CACNA1E: variants seen among roughly 807,000 people sequenced by gnomAD.
CACNA1E encodes calcium voltage-gated channel subunit alpha1 E.
CACNA1E carries 40 observed loss-of-function variants against 259.2 expected under a neutral mutation model. The observed-to-expected ratio is 0.15, with a 90% confidence interval of 0.12 to 0.20. The LOEUF (loss-of-function observed/expected upper bound fraction) is 0.20, where lower values mean the gene tolerates loss of function less well. CACNA1E is among the 10% of genes least tolerant of loss of function. CACNA1E has a pLI of 1.00. For synonymous variants in CACNA1E, 1,104 were observed against 1,138.5 expected (o/e 0.97, Z 0.61); for missense variants, 1,874 against 3,040.1 (o/e 0.62, Z 9.02).
At chr1:181,474,136 T>C (rs1409407389) in intron 2 of CACNA1E, among the ~76,000 whole-genome samples, 1 of 101,632 alleles carries the variant, frequency 9.8e-6, no homozygotes, top group East Asian at 2.1e-4. Flanking sequence ...ATAGAGATTA[T>C]TTAAACAAAG....
Position 181,798,782 on chromosome 1 carries a change from G to T in CACNA1E, c.6890G>T (p.Cys2297Phe), listed in dbSNP as rs748453088. The change falls in exon 48 of 48, where the codon TGT becomes TTT. Residue 2297 changes from cysteine to phenylalanine, a missense_variant. Physicochemically the swap from Cys to Phe is radical, Grantham distance 205. Around this residue, in one of 14 missense-constraint regions of CACNA1E, gnomAD observed 542 missense variants for 587.2 expected, o/e 0.92. Coordinates refer to ENST00000367573, the MANE Select transcript of CACNA1E (RefSeq NM_001205293.3). This position sits in a 1 kb window ranked among gnomAD's most constrained non-coding sequence, Gnocchi z 4.2. ...RRGGPGPGMM[C>F]GAVNNLLSDT... The stretch of plus-strand genomic sequence containing the variant: ...GGGGGGCCTGGGCCAGGCATGATGT[G>T]TGGGGCTGTCAACAACCTGCTAAGT... 2 of 1,568,528 alleles carry T rather than the reference G, an allele frequency of 1.3e-6. No individual in the cohort carries two copies. The highest frequency in any genetic ancestry group is 8.6e-7 in the Non-Finnish European group (1 of 1,156,874).
intron 46 of CACNA1E, among the ~76,000 whole-genome samples, chr1:181,795,787 T>TATATATATATATA (rs1410248740): frequency 2.2e-4 from 32 of 143,638 alleles, no homozygotes; most frequent in Admixed American, 3.5e-4. Flanking sequence ...TATATATATA[T>TATATATATATATA]TAGTCTGGCT....
intron 1 of CACNA1E, among the ~76,000 whole-genome samples, chr1:181,390,087 G>A (rs984824750): frequency 2.0e-5 from 3 of 152,200 alleles, no homozygotes; most frequent in African/African-American, 2.4e-5. Flanking sequence ...CTTTGCTGCC[G>A]TGTGATTGAC....
chr1:181,725,495 T>TA (rs1654817750), intron 17 of CACNA1E, among the ~76,000 whole-genome samples: 1 of 152,264 alleles, frequency 6.6e-6, no homozygotes, highest in Non-Finnish European at 1.5e-5. Flanking sequence ...GTGCTCTTAT[T>TA]AGCTCTAGTC....
rs187799690 is a variant in CACNA1E at position 181,608,642 on chromosome 1, A to G, written c.951+27866A>G. Among the ~76,000 whole-genome samples, 4 of 152,150 alleles carry G rather than the reference A, an allele frequency of 2.6e-5. No homozygotes were observed. The East Asian group carries it at 7.8e-4, about 30-fold the overall frequency. Reference sequence around the variant, plus strand: ...AATGGATGAGACTGAATGCAAGGGCATGTCTACAGGAGACCCCAGGGCACA... The same window carrying G: ...AATGGATGAGACTGAATGCAAGGGCGTGTCTACAGGAGACCCCAGGGCACA... On this transcript the variant is annotated intron_variant, in intron 6 of 47. Transcript: ENST00000367573.
intron 25 of CACNA1E, 122 bp from the exon 26 acceptor site, chr1:181,750,354 A>G (rs1657482677): frequency 2.5e-6 from 2 of 797,548 alleles, no homozygotes; most frequent in Admixed American, 2.1e-5. Context: ...ATTCCCTATC[A>G]TTGTAGGGTT....
intron 6 of CACNA1E, among the ~76,000 whole-genome samples, chr1:181,591,614 G>A (rs1652651054): frequency 6.6e-6 from 1 of 151,906 alleles, no homozygotes; most frequent in African/African-American, 2.4e-5. Context: ...TCTCATTTTT[G>A]TAAGTTTTAT....
chr1:181,329,234 G>T (rs1200198536), intron 1 of CACNA1E, among the ~76,000 whole-genome samples: 2 of 152,010 alleles, frequency 1.3e-5, no homozygotes, highest in African/African-American at 4.8e-5. Flanking sequence ...CAGCTCTGCT[G>T]CCATTACCAA....
intron 3 of CACNA1E, among the ~76,000 whole-genome samples, chr1:181,546,709 C>G (rs1037371540): frequency 1.3e-5 from 2 of 152,198 alleles, no homozygotes; most frequent in African/African-American, 4.8e-5. Flanking sequence ...GCCGTGCAGA[C>G]AGTGCACATT....
intron 7 of CACNA1E, among the ~76,000 whole-genome samples, chr1:181,660,949 A>T (rs986772423): frequency 1.2e-4 from 19 of 152,350 alleles, no homozygotes; most frequent in Middle Eastern, 3.4e-3. Context: ...TCAAACAAGG[A>T]CAGAGAGCTG....
intron 3 of CACNA1E, among the ~76,000 whole-genome samples, chr1:181,552,874 C>T (rs1320480255): frequency 6.6e-6 from 1 of 152,110 alleles, no homozygotes; most frequent in East Asian, 1.9e-4. Context: ...TTTCGATACC[C>T]AGTACCATGG....
At chr1:181,453,343 A>G (rs926282010) in intron 2 of CACNA1E, among the ~76,000 whole-genome samples, 1 of 152,218 alleles carries the variant, frequency 6.6e-6, no homozygotes, top group African/African-American at 2.4e-5. Context: ...CTGACTCACA[A>G]ATTGTGAAAC....
At chr1:181,705,246 G>T (rs925227688) in intron 7 of CACNA1E, among the ~76,000 whole-genome samples, 1 of 152,092 alleles carries the variant, frequency 6.6e-6, no homozygotes, top group Non-Finnish European at 1.5e-5. Flanking sequence ...ATCCCTCCAG[G>T]CACACATGAT....
chr1:181,708,538 A>T (rs772536471), intron 7 of CACNA1E, among the ~76,000 whole-genome samples: 2 of 152,224 alleles, frequency 1.3e-5, no homozygotes, highest in Non-Finnish European at 2.9e-5. Flanking sequence ...CTTGCTCAAA[A>T]TATCACCTTC....
intron 2 of CACNA1E, among the ~76,000 whole-genome samples, chr1:181,429,454 T>G (rs1161804461): frequency 6.6e-6 from 1 of 152,172 alleles, no homozygotes; most frequent in Non-Finnish European, 1.5e-5. Context: ...TGAGCCCTCA[T>G]CTCCACCAGC....
chr1:181,630,567 C>T (rs1219607331), intron 6 of CACNA1E, among the ~76,000 whole-genome samples: 1 of 152,054 alleles, frequency 6.6e-6, no homozygotes, highest in African/African-American at 2.4e-5. Context: ...GGAATACGGC[C>T]CAGGCACTCC....
intron 7 of CACNA1E, chr1:181,652,181 C>G (rs1658817108): frequency 6.6e-6 from 1 of 152,062 alleles, no homozygotes; most frequent in Non-Finnish European, 1.5e-5. Flanking sequence ...GGGAACATCA[C>G]ACCATAAGCA....
At chr1:181,388,218 G>A (rs898115612) in intron 1 of CACNA1E, among the ~76,000 whole-genome samples, 1 of 152,232 alleles carries the variant, frequency 6.6e-6, no homozygotes, top group African/African-American at 2.4e-5. Context: ...AACCGTGGGA[G>A]ACTACAGAGC....
intron 7 of CACNA1E, among the ~76,000 whole-genome samples, chr1:181,665,883 T>G (rs1648172843): frequency 6.6e-6 from 1 of 152,272 alleles, no homozygotes; most frequent in Non-Finnish European, 1.5e-5. Flanking sequence ...TGTCTTAAGC[T>G]TAGGATGCCC....
Sources: gnomAD v4.1 joint callset for allele counts (sites outside exome capture counted in the v4.1 genomes callset) on GRCh38, gnomAD v4.1.1 for gene constraint, gnomAD v4.1.1 regional missense constraint, Gnocchi (gnomAD v3.1) non-coding constraint, MANE v1.5 for transcripts, NCBI Gene and HGNC (gene_info 2026-07-23, HGNC 2026-07-21) for gene names.